The following SYT3 variants were observed in gnomAD, a reference collection of about 807,000 sequenced individuals.
The protein encoded by SYT3 is synaptotagmin-3.
In SYT3, 25 loss-of-function variants were observed where a neutral mutation model predicts 50.6. That is an observed-to-expected ratio of 0.49 (90% CI 0.36 to 0.69). The LOEUF is 0.69. Ranked by LOEUF, SYT3 falls within the 30% of genes least tolerant of loss-of-function variation. The pLI, the probability that SYT3 is intolerant of heterozygous loss-of-function variation, is 0.00. For missense variants in SYT3, 589 were observed against 793.6 expected, an observed-to-expected ratio of 0.74 and a Z score of 3.10; for synonymous variants, 323 against 353.9, an observed-to-expected ratio of 0.91 and a Z score of 0.98.
the SYT3 span, chr19:50,656,128 T>C: frequency 2.4e-5 from 37 of 1,535,886 alleles, 1 homozygote; most frequent in Non-Finnish European, 3.1e-5. Flanking sequence ...TCCTCGTGAG[T>C]TGTCCCTGGC....
At chr19:50,644,290 G>A (rs995609651), upstream of SYT3, among the ~76,000 whole-genome samples, 5 of 152,208 alleles carry the variant, frequency 3.3e-5, no homozygotes, top group Non-Finnish European at 5.9e-5. Flanking sequence ...ATAGGTGGAT[G>A]AGTGAATGGC....
intron 4 of SYT3, among the ~76,000 whole-genome samples, chr19:50,631,133 T>G (rs1454650121): frequency 6.6e-6 from 1 of 150,694 alleles, no homozygotes; most frequent in Non-Finnish European, 1.5e-5. Flanking sequence ...TGTAGTCACA[T>G]CTCTGAAGTT....
chr19:50,649,573 C>G, the SYT3 span: 1 of 1,504,756 alleles, frequency 6.6e-7, no homozygotes, highest in East Asian at 2.5e-5. Context: ...TGCGTAGTAG[C>G]CCGGGCTCAC....
Position 50,625,769 on chromosome 19 carries a change from CAGACCCAGGAG to C in SYT3, c.1402+117_1402+127del. 2 of 716,574 alleles carry C rather than the reference CAGACCCAGGAG, an allele frequency of 2.8e-6. No homozygotes were observed. Among genetic ancestry groups the C allele is most frequent in the Admixed American group, 3.1e-5 (1 of 32,260 alleles). 44.4% of individuals were successfully genotyped at this position (716,574 alleles called of 1,614,324 possible). On this transcript the variant is annotated intron_variant, in intron 7 of 10. Coordinates refer to ENST00000600079, the MANE Select transcript of SYT3 (RefSeq NM_001160329.2). The surrounding 1 kb of genome is among the most constrained non-coding windows in gnomAD (Gnocchi z 7.5). ...TCCAGGCCCCTGGCCCCTCCTCCCTCAGACCCAGGAGTCCAGATCCCCAGCTCCTCCTCCCT... is the reference window on the plus strand; with the variant it reads ...TCCAGGCCCCTGGCCCCTCCTCCCTCTCCAGATCCCCAGCTCCTCCTCCCT...
At chr19:50,635,245 C>T (rs896179211) in intron 3 of SYT3, among the ~76,000 whole-genome samples, 11 of 152,168 alleles carry the variant, frequency 7.2e-5, no homozygotes, top group Non-Finnish European at 1.5e-4. Flanking sequence ...ACTCACTGAG[C>T]ATTCTGGGTG....
rs552128631 is a variant in SYT3, at chr19:50,625,069, C to T, written c.1707+93G>A. ...TTGAAACCTAGGACGCCTGGCTCTG[C>T]GACTCACGAACATGCAGGGCGTTCG... On this transcript the variant is annotated intron_variant, in intron 9 of 10. Transcript: ENST00000600079. The surrounding 1 kb of genome is among the most constrained non-coding windows in gnomAD (Gnocchi z 7.5). 46 of 1,307,420 alleles carry T rather than the reference C, an allele frequency of 3.5e-5. No homozygotes were observed. Among genetic ancestry groups the T allele is most frequent in the East Asian group, 5.5e-5 (2 of 36,364 alleles). 81.0% of individuals were successfully genotyped at this position (1,307,420 alleles called of 1,614,324 possible).
chr19:50,632,519 C>G lies in SYT3; in HGVS notation c.441G>C (p.Glu147Asp), dbSNP rs147608314. 1 of 1,609,148 alleles carries G rather than the reference C, an allele frequency of 6.2e-7. No individual in the cohort carries two copies. Among genetic ancestry groups the G allele is most frequent in the African/African-American group, 1.3e-5 (1 of 75,008 alleles). Residue 147 changes from glutamate to aspartate, a missense_variant, in exon 4 of 11, where the codon GAG (glutamate) becomes GAC (aspartate). By Grantham distance (45) the Glu-to-Asp change is conservative. Transcript: ENST00000600079. This position sits in a 1 kb window ranked among gnomAD's most constrained non-coding sequence, Gnocchi z 4.7. The part of the protein sequence containing the change: ...AHHPPFAELL[E>D]PGSLGGSDTP... ...TGTCAGAACCCCCCAGGCTGCCTGG[C>G]TCCAGCAGCTCAGCAAAGGGTGGAT... is the stretch of plus-strand genomic sequence containing the variant.
rs1321633975 is a variant in SYT3 at position 50,629,442 on chromosome 19, G to C, written c.1133C>G (p.Ala378Gly). ...GACGCTGAAGTGCAGTTTGCGTTGG[G>C]CCAGCTCGGCCAGGGGCACCGAGAA... ...FQFSVPLAELAQRKLHFSVYD... is the reference protein window; with the variant it reads ...FQFSVPLAELGQRKLHFSVYD... The change falls in exon 6 of 11, where the codon GCC (alanine) becomes GGC (glycine). Residue 378 changes from alanine (A) to glycine (G), a missense_variant. By Grantham distance (60) the Ala-to-Gly change is moderately conservative. This residue lies in a region of SYT3 where 273 missense variants were observed against 439.3 expected (regional missense o/e 0.62). Transcript: ENST00000600079. 1 of 1,613,924 alleles carries C rather than the reference G, an allele frequency of 6.2e-7. No individual in the cohort carries two copies. The highest frequency in any genetic ancestry group is 8.5e-7 in the Non-Finnish European group (1 of 1,179,958).
chr19:50,625,384 G>T lies in SYT3; in HGVS notation c.1574+9C>A. ...CCTGCCTGACCCCCGCCCGGGCCGCGCCCCTCACCAGTCGTAGTCTACCAC... is the reference window on the plus strand; with the variant it reads ...CCTGCCTGACCCCCGCCCGGGCCGCTCCCCTCACCAGTCGTAGTCTACCAC... On this transcript the variant is annotated intron_variant, in intron 8 of 10. Coordinates refer to ENST00000600079, the MANE Select transcript of SYT3 (RefSeq NM_001160329.2). This position sits in a 1 kb window ranked among gnomAD's most constrained non-coding sequence, Gnocchi z 7.5. 6.5e-7 allele frequency: 1 copy of T among 1,542,678 alleles called. No homozygotes were observed.
the SYT3 span, among the ~76,000 whole-genome samples, chr19:50,657,490 A>C: frequency 6.6e-6 from 1 of 152,222 alleles, no homozygotes; most frequent in Non-Finnish European, 1.5e-5. Context: ...TGATCAGTCC[A>C]CGTTTCTGAA....
upstream of SYT3, among the ~76,000 whole-genome samples, chr19:50,642,980 T>G (rs778143999): frequency 2.0e-5 from 3 of 152,242 alleles, no homozygotes; most frequent in Non-Finnish European, 2.9e-5. Flanking sequence ...TCATTTAAAC[T>G]TTAGCTGGAC....
At chr19:50,626,755 AAGAG>A (rs1328424604) in intron 6 of SYT3, among the ~76,000 whole-genome samples, 4 of 146,134 alleles carry the variant, frequency 2.7e-5, no homozygotes, top group Non-Finnish European at 6.0e-5. Context: ...CAGAGAGAGA[AAGAG>A]AGAGAGATAT....
At chr19:50,635,231 C>A (rs1477802125) in intron 3 of SYT3, among the ~76,000 whole-genome samples, 5 of 152,054 alleles carry the variant, frequency 3.3e-5, no homozygotes, top group African/African-American at 9.7e-5. Flanking sequence ...TTTAAGTGAC[C>A]AACACTCACT....
At chr19:50,623,987 G>C (rs1983950422) in intron 9 of SYT3, among the ~76,000 whole-genome samples, 1 of 150,688 alleles carries the variant, frequency 6.6e-6, no homozygotes, top group Non-Finnish European at 1.5e-5. Context: ...TAAGGAGAGG[G>C]GTTCCTGCTC....
At chr19:50,652,502 G>A in the SYT3 span, among the ~76,000 whole-genome samples, 1 of 152,198 alleles carries the variant, frequency 6.6e-6, no homozygotes, top group African/African-American at 2.4e-5. Context: ...TTAGCCAAAT[G>A]AGGGGGAAGA....
chr19:50,656,090 G>C, the SYT3 span: 2 of 1,536,174 alleles, frequency 1.3e-6, no homozygotes. Context: ...AGGAGATGCA[G>C]GCTCGGAGCC....
In SYT3 at chr19:50,637,418, C is replaced by T. The variant is rs776017020; in HGVS notation, c.-7G>A. 89 of 1,591,106 alleles carry T rather than the reference C, an allele frequency of 5.6e-5. No individual in the cohort carries two copies. Among genetic ancestry groups the T allele is most frequent in the Admixed American group, 1.5e-4 (9 of 59,720 alleles). On this transcript the variant is annotated 5_prime_UTR_variant, in exon 3 of 11. Coordinates refer to ENST00000600079, the MANE Select transcript of SYT3 (RefSeq NM_001160329.2). This position sits in a 1 kb window ranked among gnomAD's most constrained non-coding sequence, Gnocchi z 4.9. ...CCTCGTAGTCTCCTGACATGGTGGC[C>T]GTCTGGTCCTGTGTGTGGGAGGGAT...
In SYT3 at chr19:50,625,481, G is replaced by C; in HGVS notation, c.1486C>G (p.Pro496Ala). 1 of 1,607,866 alleles carries C rather than the reference G, an allele frequency of 6.2e-7. No individual in the cohort carries two copies. Among genetic ancestry groups the C allele is most frequent in the Non-Finnish European group, 8.5e-7 (1 of 1,177,556 alleles). The change falls in exon 8 of 11, where the codon CCC becomes GCC. Residue 496 changes from proline to alanine, a missense_variant. Pro to Ala is a conservative substitution (Grantham distance 27, BLOSUM62 -1). Transcript: ENST00000600079. This position sits in a 1 kb window ranked among gnomAD's most constrained non-coding sequence, Gnocchi z 7.5. ...KTSIKKNTLN[P>A]TYNEALVFDV... ...AACACCAGCGCCTCATTATAGGTGG[G>C]GTTCAGCGTGTTCTTCTTGATGGAG...
rs1984339682 is a variant in SYT3, at chr19:50,632,381, TC to T, written c.578del (p.Gly193GlufsTer46). 3 of 1,612,568 alleles carry T rather than the reference TC, an allele frequency of 1.9e-6. No individual in the cohort carries two copies. The highest frequency in any genetic ancestry group is 2.5e-6 in the Non-Finnish European group (3 of 1,179,194). ...QTSPELPSEG[G>X]AGSGLLLLPP... ...GCAGCAGGAGCAACCCAGAGCCTGC[TC>T]CCCCCTCAGAGGGCAGCTCAGGGGA... On this transcript the variant is annotated frameshift_variant, in exon 4 of 11. Transcript: ENST00000600079. LOFTEE classifies it high-confidence loss of function. The surrounding 1 kb of genome is among the most constrained non-coding windows in gnomAD (Gnocchi z 4.7).
Sources: allele counts gnomAD v4.1 joint callset (sites outside exome capture counted in the v4.1 genomes callset), GRCh38; gene constraint gnomAD v4.1.1; regional missense constraint gnomAD v4.1.1; non-coding constraint Gnocchi (gnomAD v3.1); transcripts MANE v1.5; gene names NCBI Gene and HGNC (gene_info 2026-07-23, HGNC 2026-07-21).